CPNE5: variants seen among roughly 807,000 people sequenced by gnomAD.
CPNE5 encodes the protein copine 5.
In CPNE5, 42 loss-of-function variants were observed where a neutral mutation model predicts 81.1. The ratio of observed to expected loss-of-function variants is 0.52; its 90% CI spans 0.40 to 0.67. The LOEUF is 0.67. CPNE5 is among the 30% of genes least tolerant of loss of function. The probability of loss-of-function intolerance (pLI) is 0.00; values close to 1 mark genes in which losing one functional copy is unlikely to be tolerated. For missense variants in CPNE5, 612 were observed against 815.5 expected, an observed-to-expected ratio of 0.75 and a Z score of 3.04; for synonymous variants, 313 against 321.5, an observed-to-expected ratio of 0.97 and a Z score of 0.28.
chr6:36,749,179 T>C (rs927561891), intron 14 of CPNE5, among the ~76,000 whole-genome samples: 3 of 151,894 alleles, frequency 2.0e-5, no homozygotes, highest in African/African-American at 7.3e-5. Flanking sequence ...AAAGTAATCC[T>C]CCTGCCTCAG....
rs537324960 is a variant in CPNE5 at position 36,741,668 on chromosome 6, C to A, written c.*600G>T. On this transcript the variant is annotated 3_prime_UTR_variant, in exon 21 of 21. Coordinates refer to ENST00000244751, the MANE Select transcript of CPNE5 (RefSeq NM_020939.2). The stretch of plus-strand genomic sequence containing the variant: ...AAAGGGCTCTGTGCTGAGCAGCCTC[C>A]ACTTCAGGCCCATCACATGGCCTAC... The A allele has an allele frequency of 6.6e-6, 1 of 152,368 alleles. No homozygotes were observed. The highest frequency in any genetic ancestry group is 1.5e-5 in the Non-Finnish European group (1 of 68,192). The allele number at this position is 152,368 out of a possible 1,614,324, so 9.4% of individuals were successfully genotyped here.
Position 36,798,583 on chromosome 6 carries a change from C to T in CPNE5, c.288-89G>A, listed in dbSNP as rs1769807398. 1.2e-5 allele frequency: 15 copies of T among 1,203,694 alleles called. No homozygotes were observed. In the South Asian group the frequency reaches 1.6e-4, roughly 13 times the overall value. The allele number at this position is 1,203,694 out of a possible 1,614,324, so 74.6% of individuals were successfully genotyped here. A position where few individuals can be genotyped will look rare whatever the true frequency, so the allele number is the denominator to read the frequency against. On this transcript the variant is annotated intron_variant, in intron 4 of 20. Coordinates refer to ENST00000244751, the MANE Select transcript of CPNE5 (RefSeq NM_020939.2). ...TCTCAAGTTGAGTCAGGGCCCCTGT[C>T]CCCCAAAAAACAGGTCCCAACACAG...
chr6:36,817,186 G>A (rs1355122766), intron 3 of CPNE5, among the ~76,000 whole-genome samples: 11 of 152,124 alleles, frequency 7.2e-5, no homozygotes, highest in Non-Finnish European at 1.3e-4. Flanking sequence ...TTAGCTGGGC[G>A]TGGTGGTGCA....
At chr6:36,743,981 C>T (rs1004746831) in intron 19 of CPNE5, among the ~76,000 whole-genome samples, 15 of 152,250 alleles carry the variant, frequency 9.9e-5, no homozygotes, top group African/African-American at 3.6e-4. Flanking sequence ...CACCACCCTC[C>T]CCAGACTCCC....
intron 3 of CPNE5, among the ~76,000 whole-genome samples, chr6:36,819,022 A>G (rs1771806577): frequency 6.6e-6 from 1 of 152,232 alleles, no homozygotes; most frequent in Non-Finnish European, 1.5e-5. Flanking sequence ...TTATGCTTTA[A>G]TTGGCATAGA....
intron 10 of CPNE5, among the ~76,000 whole-genome samples, chr6:36,771,946 G>A (rs73414274): frequency 0.027 from 4,167 of 152,096 alleles, 181 homozygotes; most frequent in African/African-American, 0.091. Context: ...ATGGGGGAGG[G>A]CCATCCTGCA....
intron 1 of CPNE5, among the ~76,000 whole-genome samples, chr6:36,828,743 G>A (rs551474979): frequency 2.6e-5 from 4 of 152,180 alleles, no homozygotes; most frequent in Non-Finnish European, 4.4e-5. Context: ...AAAAGGTGGT[G>A]TATCTTCTTC....
chr6:36,839,235 T>G lies in CPNE5; in HGVS notation c.95+48A>C, dbSNP rs1561837925. On this transcript the variant is annotated intron_variant, in intron 1 of 20. Coordinates refer to ENST00000244751, the MANE Select transcript of CPNE5 (RefSeq NM_020939.2). The surrounding 1 kb of genome is among the most constrained non-coding windows in gnomAD (Gnocchi z 7.3). ...ATCGAAGCGGCAGGGGCCGCGGGGCTCTGCGTCCAGGGCCGGGGCAAGGGG... is the reference window on the plus strand; with the variant it reads ...ATCGAAGCGGCAGGGGCCGCGGGGCGCTGCGTCCAGGGCCGGGGCAAGGGG... 1 of 1,370,380 alleles carries G rather than the reference T, an allele frequency of 7.3e-7. No homozygotes were observed. The highest frequency in any genetic ancestry group is 2.3e-5 in the Admixed American group (1 of 42,842). The allele number at this position is 1,370,380 out of a possible 1,614,324, so 84.9% of individuals were successfully genotyped here. A position where few individuals can be genotyped will look rare whatever the true frequency, so the allele number is the denominator to read the frequency against.
intron 10 of CPNE5, among the ~76,000 whole-genome samples, chr6:36,772,259 T>C (rs181069449): frequency 6.9e-4 from 105 of 152,220 alleles, no homozygotes; most frequent in African/African-American, 2.4e-3. Flanking sequence ...CATCTCCCTT[T>C]ATTCCCGTGC....
chr6:36,777,964 T>G (rs74661706), intron 9 of CPNE5, among the ~76,000 whole-genome samples: 2,271 of 152,116 alleles, frequency 0.015, 55 homozygotes, highest in African/African-American at 0.052. Flanking sequence ...CCGCTTCCAA[T>G]TTTCCCTTCT....
intron 1 of CPNE5, among the ~76,000 whole-genome samples, chr6:36,825,199 C>T (rs1000140932): frequency 1.3e-5 from 2 of 152,158 alleles, no homozygotes; most frequent in African/African-American, 2.4e-5. Flanking sequence ...TCATGCCCCA[C>T]GCCCTAAGGT....
intron 15 of CPNE5, among the ~76,000 whole-genome samples, 189 bp downstream of exon 15, chr6:36,748,032 T>C (rs568629247): frequency 6.6e-6 from 1 of 152,340 alleles, no homozygotes; most frequent in East Asian, 1.9e-4. Flanking sequence ...CAGATTTATG[T>C]CAATGGTCCA....
intron 1 of CPNE5, chr6:36,827,640 C>T (rs774567760): frequency 1.1e-4 from 104 of 985,258 alleles, no homozygotes; most frequent in Non-Finnish European, 1.1e-4. Context: ...CGAGGTAAAG[C>T]GCCTTCCCCA....
Position 36,792,368 on chromosome 6 carries a change from C to T in CPNE5, c.465-272G>A, listed in dbSNP as rs190389139. The T allele has an allele frequency of 7.7e-5, 115 of 1,498,996 alleles. 1 individual carries two copies. In the Admixed American group the frequency reaches 2.2e-3, roughly 29 times the overall value. 92.9% of individuals were successfully genotyped at this position (1,498,996 alleles called of 1,614,324 possible). The stretch of plus-strand genomic sequence containing the variant: ...AAGGGTAGTGCCTGCAGTGAAAGTC[C>T]TAGAATTGGAAAAGCATCCAGACTC... On this transcript the variant is annotated intron_variant, in intron 7 of 20. Coordinates refer to ENST00000244751, the MANE Select transcript of CPNE5 (RefSeq NM_020939.2).
At chr6:36,756,684 C>A (rs1220710679) in intron 12 of CPNE5, among the ~76,000 whole-genome samples, 2 of 152,200 alleles carry the variant, frequency 1.3e-5, no homozygotes, top group Non-Finnish European at 2.9e-5. Context: ...AAATGCACCC[C>A]CTTCCTCTCT....
At chr6:36,772,100 G>A (rs1248460710) in intron 10 of CPNE5, among the ~76,000 whole-genome samples, 1 of 152,108 alleles carries the variant, frequency 6.6e-6, no homozygotes, top group African/African-American at 2.4e-5. Context: ...TGACAAAGCT[G>A]GCTCCTGCAA....
intron 6 of CPNE5, 80 bp downstream of exon 6, chr6:36,798,085 T>C: frequency 9.2e-7 from 1 of 1,091,170 alleles, no homozygotes; most frequent in Non-Finnish European, 1.4e-6. Context: ...AGCTGACTGC[T>C]TTGTCCCCAT....
At chr6:36,815,716 C>T (rs986547795) in intron 3 of CPNE5, among the ~76,000 whole-genome samples, 1 of 152,234 alleles carries the variant, frequency 6.6e-6, no homozygotes, top group Non-Finnish European at 1.5e-5. Flanking sequence ...CAAGTTGCCC[C>T]GAGGAAGATC....
intron 15 of CPNE5, 113 bp downstream of exon 15, chr6:36,748,108 G>T: frequency 3.2e-6 from 3 of 943,590 alleles, no homozygotes; most frequent in Non-Finnish European, 5.2e-6. Context: ...CATCCTCTTT[G>T]GTGAGGAAGA....
Sources: allele counts gnomAD v4.1 joint callset (sites outside exome capture counted in the v4.1 genomes callset), GRCh38; gene constraint gnomAD v4.1.1; non-coding constraint Gnocchi (gnomAD v3.1); transcripts MANE v1.5; gene names NCBI Gene and HGNC (gene_info 2026-07-23, HGNC 2026-07-21).